The following PDE4C variants were observed in gnomAD, a reference collection of about 807,000 sequenced individuals.
PDE4C encodes 3',5'-cyclic-AMP phosphodiesterase 4C.
A neutral mutation model predicts 63.9 loss-of-function variants in PDE4C; 50 were observed. The observed-to-expected ratio is 0.78, with a 90% CI of 0.62 to 0.99. The LOEUF is 0.99. Among genes scored for constraint, PDE4C ranks in the 50% least tolerant of loss-of-function variants. PDE4C has a pLI of 0.00. For missense variants in PDE4C, 777 were observed against 899.1 expected (o/e 0.86, Z 1.74); for synonymous variants, 377 against 385.1 (o/e 0.98, Z 0.25).
At position 18,220,884 on chromosome 19, in the gene PDE4C, G is replaced by C; in HGVS notation, c.489C>G (p.Leu163=). 6.2e-7 allele frequency: 1 copy of C among 1,608,766 alleles called. No individual in the cohort carries two copies. The highest frequency in any genetic ancestry group is 2.2e-5 in the East Asian group (1 of 44,702). Residue 163 remains leucine (L), a synonymous_variant, in exon 5 of 15, where the codon CTC becomes CTG. Coordinates refer to ENST00000262805, the Ensembl canonical transcript of PDE4C. The surrounding 1 kb of genome is among the most constrained non-coding windows in gnomAD (Gnocchi z 5.1). ...GAACAGGTACTTTACCTGCAGGAGG[G>C]AGCTGATTGCTGGATGAAGGGTTTC...
intron 1 of PDE4C, among the ~76,000 whole-genome samples, chr19:18,241,319 T>G (rs2148066888): frequency 7.7e-6 from 1 of 129,356 alleles, no homozygotes; most frequent in Non-Finnish European, 1.6e-5. Flanking sequence ...CAGGCTGGAG[T>G]GCAGTGGCGC....
intron 1 of PDE4C, among the ~76,000 whole-genome samples, chr19:18,242,475 CAAAA>C (rs748870873): frequency 6.7e-5 from 2 of 29,804 alleles, no homozygotes; most frequent in Non-Finnish European, 1.1e-4. Flanking sequence ...GACTCCATCT[CAAAA>C]AAAAAAAAAA....
chr19:18,233,249 G>T (rs1287179430), exon 1 of PDE4C: 3 of 1,540,724 alleles, frequency 1.9e-6, no homozygotes, highest in Non-Finnish European at 8.7e-7. Context: ...GTGAGCGGGC[G>T]CCGAGGAGCG....
the PDE4C span, among the ~76,000 whole-genome samples, chr19:18,253,645 G>T: frequency 1.3e-5 from 2 of 152,086 alleles, no homozygotes; most frequent in African/African-American, 2.4e-5. Context: ...GCTCAGAGAG[G>T]ATCAGCCCTA....
At chr19:18,243,014 G>A (rs1001794522) in intron 1 of PDE4C, among the ~76,000 whole-genome samples, 19 of 152,116 alleles carry the variant, frequency 1.2e-4, no homozygotes, top group African/African-American at 3.9e-4. Flanking sequence ...GGACCAGAGC[G>A]GGGCCTGTGA....
upstream of PDE4C, among the ~76,000 whole-genome samples, chr19:18,248,354 T>A (rs1239556634): frequency 1.7e-5 from 2 of 115,192 alleles, no homozygotes; most frequent in African/African-American, 6.6e-5. Flanking sequence ...AGGCTCCCAG[T>A]GGGTGGAGGG....
At chr19:18,236,572 C>A (rs1284960968), upstream of PDE4C, among the ~76,000 whole-genome samples, 1 of 152,150 alleles carries the variant, frequency 6.6e-6, no homozygotes, top group Non-Finnish European at 1.5e-5. Context: ...CTCCCTGAGC[C>A]CCCTCGATGT....
upstream of PDE4C, among the ~76,000 whole-genome samples, chr19:18,230,520 A>G (rs370930908): frequency 1.1e-4 from 17 of 152,198 alleles, no homozygotes; most frequent in East Asian, 3.3e-3. Context: ...TAATAAATAA[A>G]TAAATGCTTG....
At chr19:18,250,527 C>T (rs2148081153), upstream of PDE4C, 1 of 391,764 alleles carries the variant, frequency 2.6e-6, no homozygotes, top group Non-Finnish European at 4.4e-6. Flanking sequence ...AAGCCTAAGA[C>T]ACCCACCAGG....
intron 12 of PDE4C, among the ~76,000 whole-genome samples, chr19:18,216,392 A>C (rs1302231144): frequency 2.0e-5 from 3 of 151,710 alleles, no homozygotes; most frequent in Non-Finnish European, 4.4e-5. Flanking sequence ...CTCCTGCCTC[A>C]GTCTCCCAAG....
At chr19:18,228,655 T>C (rs1968790562), upstream of PDE4C, among the ~76,000 whole-genome samples, 1 of 152,256 alleles carries the variant, frequency 6.6e-6, no homozygotes, top group Admixed American at 6.5e-5. Flanking sequence ...TTTTAAATAT[T>C]TTATTAACAG....
intron 1 of PDE4C, among the ~76,000 whole-genome samples, chr19:18,223,209 A>T (rs1968568349): frequency 7.7e-6 from 1 of 129,132 alleles, no homozygotes; most frequent in South Asian, 2.4e-4. Flanking sequence ...CGCCCGGCTA[A>T]TTTTTTTTTT....
intron 12 of PDE4C, among the ~76,000 whole-genome samples, chr19:18,214,578 T>C (rs1427681044): frequency 1.3e-5 from 2 of 152,072 alleles, no homozygotes; most frequent in African/African-American, 4.8e-5. Context: ...GGGAGGGATG[T>C]GACTTCATAC....
rs188578386 is a variant in PDE4C, at chr19:18,223,398, C to T, written c.147-1075G>A. ...GCTAATTTTGTATTTTTAGTAGAGA[C>T]GGGGTTTCTCCATGTTGGTCAGGCT... On this transcript the variant is annotated intron_variant, in intron 1 of 14. Transcript: ENST00000262805. 4.4e-3 allele frequency among the ~76,000 whole-genome samples: 667 copies of T among 152,154 alleles called. 4 individuals carry two copies. The highest frequency in any genetic ancestry group is 9.0e-3 in the Admixed American group (138 of 15,276).
chr19:18,222,509 G>A (rs1165008796), intron 1 of PDE4C, among the ~76,000 whole-genome samples, 186 bp from the exon 2 acceptor site: 2 of 151,722 alleles, frequency 1.3e-5, no homozygotes, highest in Non-Finnish European at 2.9e-5. Context: ...TGGTCTTTGA[G>A]TCTACACTGG....
At chr19:18,245,533 C>T (rs114032999) in intron 1 of PDE4C, among the ~76,000 whole-genome samples, 2,255 of 152,294 alleles carry the variant, frequency 0.015, 61 homozygotes, top group African/African-American at 0.051. Flanking sequence ...GGACACCCTT[C>T]CCCCGGCTGT....
chr19:18,232,400 T>C (rs1022336083), intron 1 of PDE4C, among the ~76,000 whole-genome samples: 5 of 148,866 alleles, frequency 3.4e-5, no homozygotes, highest in East Asian at 2.0e-4. Context: ...TGTGTGTGTG[T>C]GTGTGTGTGC....
At chr19:18,251,305 T>C (rs1030507936), upstream of PDE4C, among the ~76,000 whole-genome samples, 4 of 151,258 alleles carry the variant, frequency 2.6e-5, no homozygotes, top group Non-Finnish European at 4.4e-5. Flanking sequence ...TTTGTATTTT[T>C]AGTAGAGACG....
At chr19:18,238,573 A>G (rs1568267295), upstream of PDE4C, among the ~76,000 whole-genome samples, 1 of 152,078 alleles carries the variant, frequency 6.6e-6, no homozygotes, top group African/African-American at 2.4e-5. Context: ...TAAATAAAAC[A>G]GTATGTTTAT....
Sources: gnomAD v4.1 joint callset for allele counts (sites outside exome capture counted in the v4.1 genomes callset) on GRCh38, gnomAD v4.1.1 for gene constraint, Gnocchi (gnomAD v3.1) non-coding constraint, MANE v1.5 for transcripts, NCBI Gene and HGNC (gene_info 2026-07-23, HGNC 2026-07-21) for gene names.